The following TMEM132C variants were observed in gnomAD, a reference collection of about 807,000 sequenced individuals.
TMEM132C encodes protein phosphatase 1, regulatory subunit 152.
TMEM132C carries 29 observed loss-of-function variants against 61.4 expected under a neutral mutation model. The ratio of observed to expected loss-of-function variants is 0.47; its 90% CI spans 0.35 to 0.64. The LOEUF is 0.64. Among genes scored for constraint, TMEM132C ranks in the 30% least tolerant of loss-of-function variants. TMEM132C has a pLI of 0.00. For synonymous variants in TMEM132C, 656 were observed against 633.1 expected (o/e 1.04, Z -0.54); for missense variants, 1,408 against 1,476.9 (o/e 0.95, Z 0.76).
chr12:128,348,432 C>T (rs1873239444), intron 1 of TMEM132C, among the ~76,000 whole-genome samples: 2 of 152,124 alleles, frequency 1.3e-5, no homozygotes, highest in African/African-American at 4.8e-5. Flanking sequence ...TCTTTCGTTA[C>T]CTAAATGCCC....
At chr12:128,676,052 C>T (rs2135636248) in intron 5 of TMEM132C, among the ~76,000 whole-genome samples, 1 of 152,294 alleles carries the variant, frequency 6.6e-6, no homozygotes, top group East Asian at 1.9e-4. Flanking sequence ...AATATATTAT[C>T]TAATCCATAT....
chr12:128,658,667 C>A (rs80182799), intron 4 of TMEM132C, among the ~76,000 whole-genome samples: 19 of 152,264 alleles, frequency 1.2e-4, no homozygotes, highest in Non-Finnish European at 2.1e-4. Context: ...TACAGGGAAC[C>A]GGATGCTTTC....
intron 2 of TMEM132C, among the ~76,000 whole-genome samples, chr12:128,447,175 T>C (rs552922645): frequency 2.6e-5 from 4 of 152,154 alleles, no homozygotes; most frequent in Non-Finnish European, 5.9e-5. Context: ...TGATCGCCCC[T>C]GTCCCTCCTG....
chr12:128,571,962 G>A (rs1874898601), intron 3 of TMEM132C, among the ~76,000 whole-genome samples: 1 of 152,236 alleles, frequency 6.6e-6, no homozygotes, highest in African/African-American at 2.4e-5. Flanking sequence ...AGAATTACTG[G>A]CTGTGATTGA....
At chr12:128,532,126 G>A (rs945348228) in intron 2 of TMEM132C, among the ~76,000 whole-genome samples, 1 of 152,164 alleles carries the variant, frequency 6.6e-6, no homozygotes, top group Non-Finnish European at 1.5e-5. Context: ...AGTGTTGCAC[G>A]CATGCTAGCA....
intron 1 of TMEM132C, among the ~76,000 whole-genome samples, chr12:128,391,189 C>T (rs114429189): frequency 0.01 from 1,578 of 152,332 alleles, 39 homozygotes; most frequent in African/African-American, 0.037. Flanking sequence ...AGAACCACTA[C>T]GGTAGGATTG....
At chr12:128,531,670 T>G (rs1028204502) in intron 2 of TMEM132C, among the ~76,000 whole-genome samples, 3 of 152,276 alleles carry the variant, frequency 2.0e-5, no homozygotes, top group African/African-American at 7.2e-5. Context: ...CACTGGAGTC[T>G]TTTTTATGGC....
chr12:128,444,366 G>A (rs1446371337), intron 2 of TMEM132C, among the ~76,000 whole-genome samples: 1 of 152,172 alleles, frequency 6.6e-6, no homozygotes, highest in Non-Finnish European at 1.5e-5. Context: ...ATTCCCCACA[G>A]CATCTCAAGG....
chr12:128,559,392 T>G (rs1158774796), intron 3 of TMEM132C, among the ~76,000 whole-genome samples: 1 of 152,230 alleles, frequency 6.6e-6, no homozygotes, highest in Non-Finnish European at 1.5e-5. Context: ...GGGTTTTTTT[T>G]GCCTGGAAGT....
rs148602741 is a variant in TMEM132C, at chr12:128,352,458, T to G, written c.86-62274T>G. ...CACATGGGGATTATGGGAACTACAATTCAAGATGAGATTTGGGTGGGAACA... is the reference window on the plus strand; with the variant it reads ...CACATGGGGATTATGGGAACTACAAGTCAAGATGAGATTTGGGTGGGAACA... On this transcript the variant is annotated intron_variant, in intron 1 of 8. Coordinates refer to ENST00000435159, the MANE Select transcript of TMEM132C (RefSeq NM_001136103.3). Among the ~76,000 whole-genome samples the G allele has an allele frequency of 8.9e-3, 1,353 of 152,272 alleles. 14 individuals are homozygous for G. Among genetic ancestry groups the G allele is most frequent in the African/African-American group, 0.03 (1,244 of 41,558 alleles).
chr12:128,416,689 G>T (rs1868791075), intron 2 of TMEM132C, among the ~76,000 whole-genome samples: 1 of 152,124 alleles, frequency 6.6e-6, no homozygotes, highest in African/African-American at 2.4e-5. Context: ...TTTACAAAAA[G>T]GTTCAGAGGT....
chr12:128,636,347 C>T (rs191923885), intron 4 of TMEM132C, among the ~76,000 whole-genome samples: 45 of 152,200 alleles, frequency 3.0e-4, no homozygotes, highest in East Asian at 1.9e-4. Context: ...CTGCCACACC[C>T]GGTGTCATCC....
chr12:128,386,314 A>G (rs1296481693), intron 1 of TMEM132C, among the ~76,000 whole-genome samples: 1 of 151,950 alleles, frequency 6.6e-6, no homozygotes, highest in Non-Finnish European at 1.5e-5. Context: ...TTAACCCTCT[A>G]TTTTCTAGAC....
Position 128,267,440 on chromosome 12 carries a change from C to A in TMEM132C, c.38C>A (p.Pro13Gln). The change falls in exon 1 of 9, where the codon CCG becomes CAG. Residue 13 changes from proline (P) to glutamine (Q), a missense_variant. Transcript: ENST00000435159. ...GGTGCGGCCCCCGGGCCGGCGGCGC[C>A]GCTGTGCGGGGCGCTGAGCCTGCTG... The part of the protein sequence containing the change: ...SEGAAPGPAA[P>Q]LCGALSLLLG... 8.0e-7 allele frequency: 1 copy of A among 1,256,004 alleles called. No individual in the cohort carries two copies. Among genetic ancestry groups the A allele is most frequent in the African/African-American group, 1.6e-5 (1 of 64,074 alleles). 77.8% of individuals were successfully genotyped at this position (1,256,004 alleles called of 1,614,324 possible).
intron 7 of TMEM132C, 21 bp from the exon 8 acceptor site, chr12:128,697,203 T>G: frequency 2.0e-6 from 3 of 1,484,906 alleles, no homozygotes; most frequent in Non-Finnish European, 1.8e-6. Context: ...GGATTTTCCT[T>G]GTGTCCTGCC....
At chr12:128,663,139 G>C (rs1436982058) in intron 4 of TMEM132C, among the ~76,000 whole-genome samples, 2 of 152,148 alleles carry the variant, frequency 1.3e-5, no homozygotes, top group Non-Finnish European at 2.9e-5. Flanking sequence ...AAATATACAG[G>C]TCAGTGGTTC....
At chr12:128,668,099 C>G (rs1044195216) in intron 4 of TMEM132C, among the ~76,000 whole-genome samples, 8 of 152,134 alleles carry the variant, frequency 5.3e-5, no homozygotes, top group African/African-American at 1.9e-4. Flanking sequence ...ATAGCAAGAT[C>G]CTGTCTCTAC....
intron 1 of TMEM132C, among the ~76,000 whole-genome samples, chr12:128,355,940 C>T (rs1048769809): frequency 3.3e-5 from 5 of 152,094 alleles, no homozygotes; most frequent in East Asian, 1.9e-4. Flanking sequence ...CATCCTGTCA[C>T]GGTGTATTTT....
intron 1 of TMEM132C, among the ~76,000 whole-genome samples, chr12:128,289,214 G>T (rs144371488): frequency 6.6e-6 from 1 of 152,110 alleles, no homozygotes; most frequent in African/African-American, 2.4e-5. Flanking sequence ...TCATTAATGC[G>T]CATATGCACC....
Sources: allele counts gnomAD v4.1 joint callset (sites outside exome capture counted in the v4.1 genomes callset), GRCh38; gene constraint gnomAD v4.1.1; transcripts MANE v1.5; gene names NCBI Gene and HGNC (gene_info 2026-07-23, HGNC 2026-07-21).